The following TBL1X variants were observed in gnomAD, a reference collection of about 807,000 sequenced individuals.
The protein encoded by TBL1X is F-box-like/WD repeat-containing protein TBL1X.
In TBL1X, 10 loss-of-function variants were observed where a neutral mutation model predicts 50.7. That is an observed-to-expected ratio of 0.20 (90% confidence interval 0.12 to 0.33). TBL1X has a LOEUF of 0.33. TBL1X is among the 10% of genes least tolerant of loss of function. TBL1X has a pLI of 1.00. For missense variants in TBL1X, 340 were observed against 504.4 expected, an observed-to-expected ratio of 0.67 and a Z score of 3.12; for synonymous variants, 190 against 214.7, an observed-to-expected ratio of 0.88 and a Z score of 1.01.
At chrX:9,548,513 C>T (rs2082256220) in intron 2 of TBL1X, among the ~76,000 whole-genome samples, 1 of 112,068 alleles carries the variant, frequency 8.9e-6, no homozygotes, top group African/African-American at 3.2e-5. Flanking sequence ...GTGACCAAAA[C>T]CTTATTATCA....
rs183149120 is a variant in TBL1X at position 9,484,308 on chromosome X, G to A, written c.-200-17472G>A. Among the ~76,000 whole-genome samples, 41 of 105,928 alleles carry A rather than the reference G, an allele frequency of 3.9e-4. No individual in the cohort carries two copies. In the East Asian group the frequency reaches 0.011, roughly 28 times the overall value. 92.0% of individuals were successfully genotyped at this position (105,928 alleles called of 115,157 possible). On this transcript the variant is annotated intron_variant, in intron 1 of 17. Transcript: ENST00000645353. ...GGGTGTGAGCCACCGTGCCTGGCTC[G>A]TTTTTTCATACACACACACACACAC...
intron 1 of TBL1X, among the ~76,000 whole-genome samples, chrX:9,473,143 AATT>A (rs778798185): frequency 1.3e-4 from 14 of 111,679 alleles, no homozygotes; most frequent in African/African-American, 4.6e-4. Context: ...GTGCAAAGGT[AATT>A]CCCAGGTGCT....
intron 5 of TBL1X, among the ~76,000 whole-genome samples, chrX:9,663,548 C>T (rs924278901): frequency 2.7e-5 from 3 of 111,382 alleles, no homozygotes; most frequent in Non-Finnish European, 3.8e-5. Flanking sequence ...CACTTGAGAT[C>T]AGGAGTTTGA....
intron 5 of TBL1X, among the ~76,000 whole-genome samples, chrX:9,676,405 T>C (rs950893497): frequency 2.7e-5 from 3 of 112,131 alleles, no homozygotes; most frequent in African/African-American, 9.7e-5. Flanking sequence ...GTTTATGGCC[T>C]GAGTAATGCT....
At chrX:9,692,020 C>T in intron 8 of TBL1X, 93 bp from the exon 9 acceptor site, 1 of 1,163,201 alleles carries the variant, frequency 8.6e-7, no homozygotes, top group Non-Finnish European at 1.2e-6. Flanking sequence ...AGAGCATGTG[C>T]TGAAGATGCC....
At chrX:9,567,862 A>G (rs1305962703) in intron 2 of TBL1X, among the ~76,000 whole-genome samples, 1 of 111,863 alleles carries the variant, frequency 8.9e-6, no homozygotes, top group Non-Finnish European at 1.9e-5. Context: ...CACCTCCTCC[A>G]TGAAGCCCCT....
chrX:9,571,006 A>G (rs1449184419), intron 2 of TBL1X, among the ~76,000 whole-genome samples: 1 of 112,319 alleles, frequency 8.9e-6, no homozygotes, highest in Non-Finnish European at 1.9e-5. Flanking sequence ...CATTATAATT[A>G]TGAATTTGGA....
At chrX:9,580,254 A>G (rs753895934) in intron 2 of TBL1X, among the ~76,000 whole-genome samples, 31 of 112,273 alleles carry the variant, frequency 2.8e-4, no homozygotes, top group African/African-American at 1.0e-3. Flanking sequence ...ACACAACCTC[A>G]GGAGGTCCTG....
intron 3 of TBL1X, among the ~76,000 whole-genome samples, chrX:9,642,787 G>A (rs1159921795): frequency 8.9e-6 from 1 of 112,801 alleles, no homozygotes; most frequent in African/African-American, 3.2e-5. Context: ...CCATTGCAGT[G>A]TGAAAGCAGT....
At position 9,573,370 on chromosome X, in the gene TBL1X, G is replaced by A. The variant is rs567456634; in HGVS notation, c.-130-66903G>A. 1.5e-4 allele frequency among the ~76,000 whole-genome samples: 17 copies of A among 112,178 alleles called. No individual in the cohort carries two copies. In the South Asian group the frequency reaches 6.3e-3, roughly 41 times the overall value. On this transcript the variant is annotated intron_variant, in intron 2 of 17. Transcript: ENST00000645353. ...TTTTTCTCTAAAACACCAACTTTTG[G>A]CTGCAAATACCACCTTTTCACTTGG...
chrX:9,670,254 T>A (rs1044999674), intron 5 of TBL1X, among the ~76,000 whole-genome samples: 2 of 110,949 alleles, frequency 1.8e-5, no homozygotes, highest in East Asian at 5.7e-4. Flanking sequence ...ATTGCCCCAC[T>A]TGGACCTGCG....
intron 13 of TBL1X, among the ~76,000 whole-genome samples, chrX:9,708,477 G>C (rs1047457308): frequency 8.9e-6 from 1 of 111,865 alleles, no homozygotes; most frequent in South Asian, 3.7e-4. Context: ...CTTGAACTCC[G>C]TAATAGGTGA....
At chrX:9,523,224 C>T (rs1022278456) in intron 2 of TBL1X, among the ~76,000 whole-genome samples, 2 of 112,155 alleles carry the variant, frequency 1.8e-5, no homozygotes, top group African/African-American at 6.5e-5. Context: ...CACCCTTTCA[C>T]CCTGATCACC....
At chrX:9,574,871 G>A (rs1034414675) in intron 2 of TBL1X, among the ~76,000 whole-genome samples, 2 of 112,021 alleles carry the variant, frequency 1.8e-5, no homozygotes, top group African/African-American at 3.2e-5. Context: ...TTACTGAGAT[G>A]TAATTTACAT....
chrX:9,679,842 C>G (rs750046600), intron 5 of TBL1X, among the ~76,000 whole-genome samples: 12 of 112,122 alleles, frequency 1.1e-4, no homozygotes, highest in Non-Finnish European at 2.1e-4. Context: ...GCACCTGGTT[C>G]TGGCAACTGT....
intron 2 of TBL1X, among the ~76,000 whole-genome samples, chrX:9,629,047 C>G (rs1244730603): frequency 8.9e-6 from 1 of 112,593 alleles, no homozygotes; most frequent in Non-Finnish European, 1.9e-5. Context: ...GACAAACCTG[C>G]TCTACTTGTG....
chrX:9,598,209 G>A (rs150864701), intron 2 of TBL1X, among the ~76,000 whole-genome samples: 292 of 111,577 alleles, frequency 2.6e-3, no homozygotes, highest in African/African-American at 8.0e-3. Flanking sequence ...CTCCAGAACC[G>A]TGAGAGAGTC....
chrX:9,579,513 G>A (rs762104263), intron 2 of TBL1X, among the ~76,000 whole-genome samples: 1 of 111,998 alleles, frequency 8.9e-6, no homozygotes. Flanking sequence ...TCAAAAGCAT[G>A]CCCTGTTTCC....
At position 9,567,987 on chromosome X, in the gene TBL1X, A is replaced by G. The variant is rs941128941; in HGVS notation, c.-131+66138A>G. On this transcript the variant is annotated intron_variant, in intron 2 of 17. Coordinates refer to ENST00000645353, the MANE Select transcript of TBL1X (RefSeq NM_005647.4). ...TGAGCCTCTGTCTCCTCCTCTGTGC[A>G]GTGGGGCAGTTCAGTGCTCCCCCTT... is the stretch of plus-strand genomic sequence containing the variant. 3.6e-5 allele frequency among the ~76,000 whole-genome samples: 4 copies of G among 111,947 alleles called. No homozygotes were observed. The South Asian group carries it at 1.1e-3, about 31-fold the overall frequency.
Sources: gnomAD v4.1 joint callset for allele counts (sites outside exome capture counted in the v4.1 genomes callset) on GRCh38, gnomAD v4.1.1 for gene constraint, MANE v1.5 for transcripts, NCBI Gene and HGNC (gene_info 2026-07-23, HGNC 2026-07-21) for gene names.